DYM: variants seen among roughly 807,000 people sequenced by gnomAD.
DYM encodes dymeclin, also known as dyggve-Melchior-Clausen syndrome protein.
DYM carries 78 observed loss-of-function variants against 93.1 expected under a neutral mutation model. The observed-to-expected ratio is 0.84, with a 90% CI of 0.70 to 1.01. The LOEUF (loss-of-function observed/expected upper bound fraction) is 1.01. DYM is among the 50% of genes least tolerant of loss of function. The pLI, the probability that DYM is intolerant of heterozygous loss-of-function variation, is 0.00. For missense variants in DYM, 789 were observed against 845.0 expected, an observed-to-expected ratio of 0.93 and a Z score of 0.82; for synonymous variants, 321 against 319.7, an observed-to-expected ratio of 1.00 and a Z score of -0.04.
intron 16 of DYM, among the ~76,000 whole-genome samples, chr18:49,113,983 T>C (rs773041809): frequency 3.9e-5 from 6 of 152,190 alleles, no homozygotes; most frequent in Non-Finnish European, 5.9e-5. Context: ...ATTCAGGGCC[T>C]GGTTGACTGA....
In DYM at chr18:49,403,444, AAT is replaced by A. The variant is rs1405512581; in HGVS notation, c.141-11801_141-11800del. Among the ~76,000 whole-genome samples the A allele has an allele frequency of 2.0e-5, 3 of 152,334 alleles. No individual in the cohort carries two copies. In the East Asian group the frequency reaches 5.8e-4, roughly 29 times the overall value. On this transcript the variant is annotated intron_variant, in intron 2 of 17. Coordinates refer to ENST00000675505, the MANE Select transcript of DYM (RefSeq NM_001353214.3). ...TTTTATAGTTTACAAGGTGGTTTTG[AAT>A]ATATGATTTCATTTGATACAGCCAT...
intron 5 of DYM, among the ~76,000 whole-genome samples, chr18:49,375,072 G>A (rs1006205362): frequency 6.9e-4 from 105 of 152,092 alleles, no homozygotes; most frequent in African/African-American, 2.4e-3. Context: ...GATCTACAGT[G>A]AAACTGGAGA....
rs141471156 is a variant in DYM at position 49,405,024 on chromosome 18, A to G, written c.141-13379T>C. ...TGAGACTCCATCTCAAAAAAAAAAA[A>G]AAAAAGAAAGAAAAAGAAGGAAAAG... is the stretch of plus-strand genomic sequence containing the variant. On this transcript the variant is annotated intron_variant, in intron 2 of 17. Transcript: ENST00000675505. 4.3e-3 allele frequency among the ~76,000 whole-genome samples: 654 copies of G among 151,780 alleles called. 28 individuals carry two copies. The East Asian group carries it at 0.086, about 20-fold the overall frequency.
At chr18:49,103,729 C>A (rs934814884) in intron 16 of DYM, among the ~76,000 whole-genome samples, 1 of 152,026 alleles carries the variant, frequency 6.6e-6, no homozygotes, top group African/African-American at 2.4e-5. Flanking sequence ...TGTAGATATG[C>A]GGCGTTATTT....
At chr18:49,348,445 C>G (rs1252941231) in intron 6 of DYM, among the ~76,000 whole-genome samples, 1 of 152,094 alleles carries the variant, frequency 6.6e-6, no homozygotes, top group Non-Finnish European at 1.5e-5. Flanking sequence ...AGTCTTAACA[C>G]TAGAAGAAAC....
chr18:49,293,547 T>A (rs2060315504), intron 8 of DYM, among the ~76,000 whole-genome samples: 2 of 152,358 alleles, frequency 1.3e-5, no homozygotes, highest in East Asian at 1.9e-4. Context: ...TATCTCATTG[T>A]GGTTTTGATT....
Position 49,097,522 on chromosome 18 carries a change from T to C in DYM, c.1912-7A>G. On this transcript the variant is annotated splice_region_variant and splice_polypyrimidine_tract_variant and intron_variant, in intron 16 of 17. Coordinates refer to ENST00000675505, the MANE Select transcript of DYM (RefSeq NM_001353214.3). Reference sequence around the variant, plus strand: ...AGCTAAAGAAGGAGATCACCTGTAATGTAAAGTGTTATTTTTTAAACAAGA... The same window carrying C: ...AGCTAAAGAAGGAGATCACCTGTAACGTAAAGTGTTATTTTTTAAACAAGA... The C allele has an allele frequency of 6.2e-7, 1 of 1,611,966 alleles. No individual in the cohort carries two copies. Among genetic ancestry groups the C allele is most frequent in the Non-Finnish European group, 8.5e-7 (1 of 1,178,344 alleles).
chr18:49,403,023 T>G (rs2071032967), intron 2 of DYM, among the ~76,000 whole-genome samples: 2 of 152,146 alleles, frequency 1.3e-5, no homozygotes, highest in African/African-American at 4.8e-5. Context: ...GATATGGCAA[T>G]GTGTGGAAAG....
intron 17 of DYM, among the ~76,000 whole-genome samples, chr18:49,089,721 T>G (rs2078869405): frequency 6.6e-6 from 1 of 152,130 alleles, no homozygotes; most frequent in South Asian, 2.1e-4. Flanking sequence ...ATGAAAAGAG[T>G]GCTCCAGGTG....
At chr18:49,406,745 G>C (rs1019663180) in intron 2 of DYM, among the ~76,000 whole-genome samples, 1 of 152,196 alleles carries the variant, frequency 6.6e-6, no homozygotes, top group Non-Finnish European at 1.5e-5. Context: ...TTGCTGATGG[G>C]AAAGTAAAGT....
rs541059654 is a variant in DYM, at chr18:49,322,579, A to G, written c.763+9285T>C. On this transcript the variant is annotated intron_variant, in intron 8 of 17. Coordinates refer to ENST00000675505, the MANE Select transcript of DYM (RefSeq NM_001353214.3). ...TTTCAACATATTTCTTTCATCATCTACCTGAATCTCTATTATATATTTATT... is the reference window on the plus strand; with the variant it reads ...TTTCAACATATTTCTTTCATCATCTGCCTGAATCTCTATTATATATTTATT... 1.6e-3 allele frequency among the ~76,000 whole-genome samples: 249 copies of G among 152,020 alleles called. 2 individuals carry two copies. Among genetic ancestry groups the G allele is most frequent in the African/African-American group, 5.6e-3 (231 of 41,504 alleles).
intron 14 of DYM, among the ~76,000 whole-genome samples, chr18:49,164,578 A>G (rs1022981388): frequency 6.6e-6 from 1 of 152,222 alleles, no homozygotes; most frequent in African/African-American, 2.4e-5. Flanking sequence ...GCAAGGTGGA[A>G]TACTAGAGAG....
rs528342709 is a variant in DYM at position 49,197,453 on chromosome 18, A to C, written c.1625+12098T>G. 2.2e-3 allele frequency among the ~76,000 whole-genome samples: 339 copies of C among 152,274 alleles called. 3 individuals carry two copies. The highest frequency in any genetic ancestry group is 0.02 in the Middle Eastern group (6 of 294). The stretch of plus-strand genomic sequence containing the variant: ...TTCATCTGTTGAGGTCAAGTAAAGA[A>C]GGCGGTGAAGTTTCTCAAAATGTGC... On this transcript the variant is annotated intron_variant, in intron 14 of 17. Transcript: ENST00000675505.
intron 5 of DYM, among the ~76,000 whole-genome samples, chr18:49,365,785 G>A (rs2066466107): frequency 1.3e-5 from 2 of 152,054 alleles, no homozygotes; most frequent in African/African-American, 4.8e-5. Flanking sequence ...AACCACAGAT[G>A]GTGCCTGATT....
intron 17 of DYM, among the ~76,000 whole-genome samples, chr18:49,084,941 G>T (rs1307063474): frequency 6.6e-6 from 1 of 152,134 alleles, no homozygotes; most frequent in East Asian, 1.9e-4. Flanking sequence ...AGGGTATATT[G>T]GGACTTCTGG....
At chr18:49,117,478 T>G (rs2145957635) in intron 16 of DYM, among the ~76,000 whole-genome samples, 1 of 152,310 alleles carries the variant, frequency 6.6e-6, no homozygotes, top group East Asian at 1.9e-4. Flanking sequence ...TATTAGCCAT[T>G]TAGAGTTCCT....
chr18:49,208,011 T>C (rs554892856), intron 14 of DYM, among the ~76,000 whole-genome samples: 4 of 151,638 alleles, frequency 2.6e-5, no homozygotes, highest in Non-Finnish European at 5.9e-5. Context: ...GGTGAAACAC[T>C]GTCTCTTCTA....
In DYM at chr18:49,450,654, C is replaced by T. The variant is rs74836502; in HGVS notation, c.-54+9744G>A. 1.0e-3 allele frequency among the ~76,000 whole-genome samples: 158 copies of T among 152,258 alleles called. 2 individuals are homozygous for T. The highest frequency in any genetic ancestry group is 1.6e-3 in the Admixed American group (25 of 15,300). On this transcript the variant is annotated intron_variant, in intron 1 of 17. Transcript: ENST00000675505. ...CAGGATTATCTGACATGTTTAGTCA[C>T]ATTAGAATTGCCAAAACGATGTCCA...
chr18:49,435,279 C>A (rs985344289), intron 1 of DYM, among the ~76,000 whole-genome samples: 1 of 148,434 alleles, frequency 6.7e-6, no homozygotes, highest in Non-Finnish European at 1.5e-5. Context: ...ATGCAACAGA[C>A]AGGCAGAAAG....
Sources: gnomAD v4.1 joint callset for allele counts (sites outside exome capture counted in the v4.1 genomes callset) on GRCh38, gnomAD v4.1.1 for gene constraint, MANE v1.5 for transcripts, NCBI Gene and HGNC (gene_info 2026-07-23, HGNC 2026-07-21) for gene names.